The following API5 variants were observed in gnomAD, a reference collection of about 807,000 sequenced individuals.
The protein encoded by API5 is FIF.
In API5, 6 loss-of-function variants were observed where a neutral mutation model predicts 71.9. The observed-to-expected ratio is 0.08, with a 90% CI of 0.05 to 0.16. API5 has a LOEUF of 0.16. API5 is among the 10% of genes least tolerant of loss of function. API5 has a pLI of 1.00. For missense variants in API5, 332 were observed against 612.8 expected, an observed-to-expected ratio of 0.54 and a Z score of 4.84; for synonymous variants, 189 against 221.3, an observed-to-expected ratio of 0.85 and a Z score of 1.30.
At chr11:43,322,184 A>G (rs369650602) in intron 5 of API5, 48 bp downstream of exon 5, 1 of 1,524,452 alleles carries the variant, frequency 6.6e-7, no homozygotes. Context: ...GCAAAAGAGC[A>G]TACTTGACAT....
At chr11:43,324,190 G>A (rs1489221190) in intron 6 of API5, among the ~76,000 whole-genome samples, 1 of 152,064 alleles carries the variant, frequency 6.6e-6, no homozygotes, top group Admixed American at 6.5e-5. Flanking sequence ...GCTAATTTTT[G>A]TGTTTTTTGT....
rs1396810442 is a variant in API5 at position 43,342,744 on chromosome 11, A to G, written c.*234A>G. On this transcript the variant is annotated 3_prime_UTR_variant, in exon 14 of 14. Coordinates refer to ENST00000531273, the MANE Select transcript of API5 (RefSeq NM_001142930.2). ...GTCTGCAATCTTGACTTGTTTTTGC[A>G]GTATCATTATTCAGACTTCAAATTG... 4.6e-6 allele frequency: 3 copies of G among 650,872 alleles called. No homozygotes were observed. The highest frequency in any genetic ancestry group is 8.3e-6 in the Non-Finnish European group (3 of 359,804). The allele number at this position is 650,872 out of a possible 1,614,324, so 40.3% of individuals were successfully genotyped here.
intron 13 of API5, among the ~76,000 whole-genome samples, chr11:43,340,509 A>C (rs1230533998): frequency 1.3e-5 from 2 of 152,228 alleles, no homozygotes; most frequent in African/African-American, 4.8e-5. Context: ...AGCTGGAGTT[A>C]TCACACTACC....
chr11:43,321,707 C>T lies in API5; in HGVS notation c.391+231C>T, dbSNP rs5743222. 2.2e-4 allele frequency among the ~76,000 whole-genome samples: 33 copies of T among 152,200 alleles called. 1 individual carries two copies. In the South Asian group the frequency reaches 6.6e-3, roughly 31 times the overall value. ...CATTAGAAATCTGTTGGAAGAACTC[C>T]TTTTGACACTTTCAAGAAATTCTTC... On this transcript the variant is annotated intron_variant, in intron 4 of 13. Coordinates refer to ENST00000531273, the MANE Select transcript of API5 (RefSeq NM_001142930.2).
intron 1 of API5, 141 bp from the exon 2 acceptor site, chr11:43,318,499 G>T (rs768611140): frequency 6.5e-7 from 1 of 1,539,642 alleles, no homozygotes; most frequent in Non-Finnish European, 8.7e-7. Flanking sequence ...GTCAGTTTGA[G>T]CAGTAAACCT....
At chr11:43,329,906 G>A in intron 9 of API5, 59 bp from the exon 10 acceptor site, 1 of 1,433,196 alleles carries the variant, frequency 7.0e-7, no homozygotes, top group Non-Finnish European at 9.8e-7. Context: ...GTATAAGATT[G>A]AGTTTAAAAA....
chr11:43,317,715 T>A (rs2134342641), intron 1 of API5, among the ~76,000 whole-genome samples: 1 of 152,344 alleles, frequency 6.6e-6, no homozygotes, highest in Admixed American at 6.5e-5. Flanking sequence ...TCTCATTCTG[T>A]CACCCAATCT....
chr11:43,329,840 CTT>C (rs1272371205), intron 9 of API5, 123 bp from the exon 10 acceptor site: 9 of 722,016 alleles, frequency 1.2e-5, no homozygotes, highest in African/African-American at 3.5e-5. Flanking sequence ...TTAAAATTCT[CTT>C]CTTTAATTTA....
chr11:43,317,989 TTTTG>T (rs150179034), intron 1 of API5, among the ~76,000 whole-genome samples: 3 of 150,704 alleles, frequency 2.0e-5, no homozygotes, highest in South Asian at 2.1e-4. Flanking sequence ...ATTACAATTG[TTTTG>T]TTTGTTTGTT....
Position 43,330,457 on chromosome 11 carries a change from G to T in API5, c.1222-51G>T, listed in dbSNP as rs777410965. On this transcript the variant is annotated intron_variant, in intron 10 of 13. Coordinates refer to ENST00000531273, the MANE Select transcript of API5 (RefSeq NM_001142930.2). The stretch of plus-strand genomic sequence containing the variant: ...CTAGTTCTATGACAGAATGGATTAT[G>T]CCTCATAGAAGTTATTGGCAATTTG... The T allele has an allele frequency of 3.3e-6, 4 of 1,227,340 alleles. No homozygotes were observed. In the East Asian group the frequency reaches 9.3e-5, roughly 29 times the overall value. 76.0% of individuals were successfully genotyped at this position (1,227,340 alleles called of 1,614,324 possible).
chr11:43,313,023 C>T (rs1449173096), intron 1 of API5, among the ~76,000 whole-genome samples: 1 of 150,300 alleles, frequency 6.7e-6, no homozygotes, highest in East Asian at 2.0e-4. Context: ...GGGAGGATTG[C>T]TTGAACCCGG....
chr11:43,335,009 T>C (rs924895508), intron 11 of API5, among the ~76,000 whole-genome samples: 2 of 152,218 alleles, frequency 1.3e-5, no homozygotes, highest in African/African-American at 2.4e-5. Flanking sequence ...TTTATTAAAG[T>C]GGATAAATAT....
chr11:43,333,841 G>A (rs1047056382), intron 11 of API5, among the ~76,000 whole-genome samples: 16 of 152,108 alleles, frequency 1.1e-4, no homozygotes, highest in Admixed American at 8.5e-4. Flanking sequence ...GCCATGAGTC[G>A]GTTTCCAGGA....
chr11:43,338,576 G>A (rs1855509672), intron 13 of API5, among the ~76,000 whole-genome samples: 1 of 144,074 alleles, frequency 6.9e-6, no homozygotes, highest in Non-Finnish European at 1.5e-5. Flanking sequence ...GTATTTTTTA[G>A]GATGAAGCTC....
intron 1 of API5, among the ~76,000 whole-genome samples, chr11:43,312,557 G>T (rs796141016): frequency 2.8e-4 from 42 of 152,234 alleles, no homozygotes; most frequent in African/African-American, 1.0e-3. Context: ...TCCAAGATTA[G>T]ATCGGGAGTT....
At position 43,336,011 on chromosome 11, in the gene API5, G is replaced by C. The variant is rs1855420808; in HGVS notation, c.1492+17G>C. The C allele has an allele frequency of 6.2e-7, 1 of 1,612,214 alleles. No homozygotes were observed. The highest frequency in any genetic ancestry group is 8.5e-7 in the Non-Finnish European group (1 of 1,179,550). ...TTAATTATGGTGAGCGTTTCCGTTT[G>C]GGTACAAGGAATATGAGAGATTAGG... is the stretch of plus-strand genomic sequence containing the variant. On this transcript the variant is annotated intron_variant, in intron 13 of 13. Coordinates refer to ENST00000531273, the MANE Select transcript of API5 (RefSeq NM_001142930.2).
At chr11:43,331,732 A>G (rs1855264405) in intron 11 of API5, among the ~76,000 whole-genome samples, 1 of 152,206 alleles carries the variant, frequency 6.6e-6, no homozygotes, top group Non-Finnish European at 1.5e-5. Context: ...TGCAGTTTGT[A>G]TCAGAAGAGA....
At chr11:43,315,499 C>T (rs1277174700) in intron 1 of API5, among the ~76,000 whole-genome samples, 1 of 151,960 alleles carries the variant, frequency 6.6e-6, no homozygotes, top group Non-Finnish European at 1.5e-5. Context: ...AACAGAGAAA[C>T]CATTTACAAA....
At chr11:43,314,233 T>G (rs1475177071) in intron 1 of API5, among the ~76,000 whole-genome samples, 2 of 152,222 alleles carry the variant, frequency 1.3e-5, no homozygotes, top group Non-Finnish European at 2.9e-5. Context: ...TGTAGCAAAT[T>G]GTTCTACCTA....
Sources: gnomAD v4.1 joint callset for allele counts (sites outside exome capture counted in the v4.1 genomes callset) on GRCh38, gnomAD v4.1.1 for gene constraint, MANE v1.5 for transcripts, NCBI Gene and HGNC (gene_info 2026-07-23, HGNC 2026-07-21) for gene names.